Variants in FBXO41 observed in about 807,000 individuals in gnomAD.
FBXO41 encodes F-box protein 41.
FBXO41 carries 33 observed loss-of-function variants against 81.6 expected under a neutral mutation model. The observed-to-expected ratio is 0.40, with a 90% CI of 0.31 to 0.54. The LOEUF is 0.54. FBXO41 is among the 20% of genes least tolerant of loss of function. The pLI is 0.39. For synonymous variants in FBXO41, 576 were observed against 552.7 expected (o/e 1.04, Z -0.59); for missense variants, 1,107 against 1,236.0 (o/e 0.90, Z 1.56).
rs1035242984 is a variant in FBXO41, at chr2:73,259,747, G to A, written c.2450-451C>T. Among the ~76,000 whole-genome samples the A allele has an allele frequency of 7.9e-5, 12 of 152,210 alleles. No individual in the cohort carries two copies. Among genetic ancestry groups the A allele is most frequent in the Non-Finnish European group, 1.5e-5 (1 of 68,000 alleles). On this transcript the variant is annotated intron_variant, in intron 11 of 12. Transcript: ENST00000520530. The surrounding 1 kb of genome is among the most constrained non-coding windows in gnomAD (Gnocchi z 4.2). ...CGGGGGAGGTAGAGGAAGATCAGGCGACTGAGAAGGGCCTGGAGGTCATGA... is the reference window on the plus strand; with the variant it reads ...CGGGGGAGGTAGAGGAAGATCAGGCAACTGAGAAGGGCCTGGAGGTCATGA...
At chr2:73,267,267 C>T (rs1408589242) in intron 2 of FBXO41, among the ~76,000 whole-genome samples, 1 of 152,168 alleles carries the variant, frequency 6.6e-6, no homozygotes, top group Non-Finnish European at 1.5e-5. Context: ...CATGTGCTTA[C>T]GTGTGAGACA....
intron 1 of FBXO41, among the ~76,000 whole-genome samples, chr2:73,280,566 G>A (rs1231501484): frequency 6.6e-6 from 1 of 152,120 alleles, no homozygotes; most frequent in African/African-American, 2.4e-5. Flanking sequence ...TTTGCTCCAT[G>A]GGGAAATGCC....
Position 73,269,078 on chromosome 2 carries a change from A to G in FBXO41, c.553T>C (p.Ser185Pro). The change falls in exon 2 of 13, where the codon TCC becomes CCC. Residue 185 changes from serine to proline, a missense_variant. Ser to Pro is a moderately conservative substitution (Grantham distance 74). Transcript: ENST00000520530. The surrounding 1 kb of genome is among the most constrained non-coding windows in gnomAD (Gnocchi z 7.0). ...GGTGAGGGGGACGCGGGCGAAGCGG[A>G]GGCAGGCCCGGGGCAAGGGCCGGGG... is the stretch of plus-strand genomic sequence containing the variant. ...PGPGPCPGPA[S>P]ASPASPSPAD... 1 of 1,512,054 alleles carries G rather than the reference A, an allele frequency of 6.6e-7. No individual in the cohort carries two copies. Among genetic ancestry groups the G allele is most frequent in the Non-Finnish European group, 8.8e-7 (1 of 1,137,048 alleles). 93.7% of individuals were successfully genotyped at this position (1,512,054 alleles called of 1,614,324 possible).
At chr2:73,263,888 C>G (rs371749175) in intron 7 of FBXO41, 50 bp downstream of exon 7, 17 of 1,613,850 alleles carry the variant, frequency 1.1e-5, no homozygotes, top group African/African-American at 2.7e-5. Context: ...AAACTTAATT[C>G]CAGGTCTGTG....
rs750822634 is a variant in FBXO41 at position 73,265,371 on chromosome 2, C to T, written c.1475G>A (p.Arg492Gln). Reference sequence around the variant, plus strand: ...GCCCTCAGCCTCTGACTCAGTGGTTCGGGAGCCAACGTCGGAGACATCACC... The same window carrying T: ...GCCCTCAGCCTCTGACTCAGTGGTTTGGGAGCCAACGTCGGAGACATCACC... The part of the protein sequence containing the change: ...EEGDVSDVGS[R>Q]TTESEAEGPL... The change falls in exon 5 of 13, where the codon CGA becomes CAA. Residue 492 changes from arginine to glutamine, a missense_variant. Arg to Gln is a conservative substitution (Grantham distance 43). Around this residue, in one of 2 missense-constraint regions of FBXO41, gnomAD observed 771 missense variants for 789.2 expected, o/e 0.98. Transcript: ENST00000520530. 8.1e-6 allele frequency: 13 copies of T among 1,611,674 alleles called. No individual in the cohort carries two copies. The Admixed American group carries it at 8.3e-5, about 10-fold the overall frequency.
At chr2:73,271,799 T>A (rs1380761901) in intron 1 of FBXO41, among the ~76,000 whole-genome samples, 2 of 152,066 alleles carry the variant, frequency 1.3e-5, no homozygotes, top group Non-Finnish European at 2.9e-5. Context: ...CCCAGCTAAT[T>A]GTTGTATTTT....
In FBXO41 at chr2:73,257,279, T is replaced by C. The variant is rs1687849514; in HGVS notation, c.*1703A>G. ...ATGACACCCTTGGTATTTTAGGTTT[T>C]CAAAGGGCAGGGACAGAATGAGCCA... On this transcript the variant is annotated 3_prime_UTR_variant, in exon 13 of 13. Transcript: ENST00000520530. This position sits in a 1 kb window ranked among gnomAD's most constrained non-coding sequence, Gnocchi z 4.6. The C allele has an allele frequency of 6.6e-6, 1 of 152,620 alleles. No homozygotes were observed. Among genetic ancestry groups the C allele is most frequent in the Non-Finnish European group, 1.5e-5 (1 of 68,404 alleles). 9.5% of individuals were successfully genotyped at this position (152,620 alleles called of 1,614,324 possible).
At chr2:73,274,408 T>C (rs1224077614) in intron 1 of FBXO41, among the ~76,000 whole-genome samples, 3 of 152,256 alleles carry the variant, frequency 2.0e-5, no homozygotes, top group Admixed American at 2.0e-4. Context: ...CCTGTGTCAT[T>C]TATATACCTC....
At position 73,266,559 on chromosome 2, in the gene FBXO41, C is replaced by T; in HGVS notation, c.1029G>A (p.Leu343=). 1 of 1,609,852 alleles carries T rather than the reference C, an allele frequency of 6.2e-7. No homozygotes were observed. The highest frequency in any genetic ancestry group is 8.5e-7 in the Non-Finnish European group (1 of 1,178,774). The change falls in exon 3 of 13, where the codon CTG becomes CTA. Residue 343 remains leucine, a synonymous_variant. Transcript: ENST00000520530. The surrounding 1 kb of genome is among the most constrained non-coding windows in gnomAD (Gnocchi z 5.3). ...TGCCACAGCTGCTGCTGATGACCTG[C>T]AGCTGCCGCTCGGCACGGTCAGCCC... ...LERADRAERQ[L]QVISSSCGST... is the part of the protein sequence containing the mutation.
chr2:73,279,380 G>T (rs1373035955), intron 1 of FBXO41, among the ~76,000 whole-genome samples: 1 of 152,162 alleles, frequency 6.6e-6, no homozygotes, highest in African/African-American at 2.4e-5. Flanking sequence ...TACAGTTTTG[G>T]CAACTTAAGG....
Position 73,264,486 on chromosome 2 carries a change from C to T in FBXO41, c.1598G>A (p.Arg533Gln), listed in dbSNP as rs187317553. 3,433 of 1,613,726 alleles carry T rather than the reference C, an allele frequency of 2.1e-3. 5 individuals are homozygous for T. The highest frequency in any genetic ancestry group is 2.6e-3 in the Non-Finnish European group (3,071 of 1,179,868). The part of the protein sequence containing the change: ...RPEGGSGRGR[R>Q]AERVSPSRSN... ...GCGTGAGGGGCTGACCCTCTCTGCT[C>T]GCCGACCCCGCCCACTGCCTCCCTC... is the stretch of plus-strand genomic sequence containing the variant. The change falls in exon 6 of 13, where the codon CGA (arginine) becomes CAA (glutamine). Residue 533 changes from arginine to glutamine, a missense_variant. Arg to Gln is a conservative substitution (Grantham distance 43). Around this residue, in one of 2 missense-constraint regions of FBXO41, gnomAD observed 771 missense variants for 789.2 expected, o/e 0.98. Coordinates refer to ENST00000520530, the MANE Select transcript of FBXO41 (RefSeq NM_001371389.2).
chr2:73,265,385 G>A lies in FBXO41; in HGVS notation c.1461C>T (p.Ser487=), dbSNP rs377102830. The change falls in exon 5 of 13, where the codon TCC becomes TCT. Residue 487 remains serine, a synonymous_variant. Coordinates refer to ENST00000520530, the MANE Select transcript of FBXO41 (RefSeq NM_001371389.2). ...ACTCAGTGGTTCGGGAGCCAACGTC[G>A]GAGACATCACCCTCTTCCCCCTCAG... ...HSTEGEEGDV[S]DVGSRTTESE... is the part of the protein sequence containing the mutation. 1.7e-4 allele frequency: 281 copies of A among 1,611,500 alleles called. No individual in the cohort carries two copies. Among genetic ancestry groups the A allele is most frequent in the South Asian group, 9.3e-4 (85 of 91,078 alleles).
rs1343519000 is a variant in FBXO41 at position 73,259,467 on chromosome 2, A to G, written c.2450-171T>C. Among the ~76,000 whole-genome samples, 1 of 152,202 alleles carries G rather than the reference A, an allele frequency of 6.6e-6. No individual in the cohort carries two copies. The highest frequency in any genetic ancestry group is 1.5e-5 in the Non-Finnish European group (1 of 68,020). Reference sequence around the variant, plus strand: ...CTGGCGACCGGATGCGGGGAGAGGTAGATGGGGCTGAGGCACAGGAGAGGC... The same window carrying G: ...CTGGCGACCGGATGCGGGGAGAGGTGGATGGGGCTGAGGCACAGGAGAGGC... On this transcript the variant is annotated intron_variant, in intron 11 of 12. Coordinates refer to ENST00000520530, the MANE Select transcript of FBXO41 (RefSeq NM_001371389.2). The surrounding 1 kb of genome is among the most constrained non-coding windows in gnomAD (Gnocchi z 4.2).
chr2:73,259,402 G>A lies in FBXO41; in HGVS notation c.2450-106C>T. 1.0e-6 allele frequency: 1 copy of A among 957,446 alleles called. No homozygotes were observed. The highest frequency in any genetic ancestry group is 1.6e-5 in the African/African-American group (1 of 62,460). The allele number at this position is 957,446 out of a possible 1,614,324, so 59.3% of individuals were successfully genotyped here. A position where few individuals can be genotyped will look rare whatever the true frequency, so the allele number is the denominator to read the frequency against. On this transcript the variant is annotated intron_variant, in intron 11 of 12. Coordinates refer to ENST00000520530, the MANE Select transcript of FBXO41 (RefSeq NM_001371389.2). The surrounding 1 kb of genome is among the most constrained non-coding windows in gnomAD (Gnocchi z 4.2). ...TCAGACAATCAGGTGCCAGCTACCG[G>A]GAACACGACAGAGGAGAGCAGACTC...
rs1397025213 is a variant in FBXO41, at chr2:73,255,149, G to A, written c.*3833C>T. 6.5e-6 allele frequency: 1 copy of A among 152,714 alleles called. No individual in the cohort carries two copies. Among genetic ancestry groups the A allele is most frequent in the Non-Finnish European group, 1.5e-5 (1 of 68,074 alleles). 9.5% of individuals were successfully genotyped at this position (152,714 alleles called of 1,614,324 possible). A position where few individuals can be genotyped will look rare whatever the true frequency, so the allele number is the denominator to read the frequency against. Reference sequence around the variant, plus strand: ...AAGACCCTTGTCAGGGCAGAGCTGAGGCTGGCAAGCCCAAGGCCAAGCCTC... The same window carrying A: ...AAGACCCTTGTCAGGGCAGAGCTGAAGCTGGCAAGCCCAAGGCCAAGCCTC... On this transcript the variant is annotated 3_prime_UTR_variant, in exon 13 of 13. Coordinates refer to ENST00000520530, the MANE Select transcript of FBXO41 (RefSeq NM_001371389.2).
chr2:73,256,592 G>A lies in FBXO41; in HGVS notation c.*2390C>T, dbSNP rs1012993324. 5.9e-5 allele frequency: 9 copies of A among 152,402 alleles called. No individual in the cohort carries two copies. The highest frequency in any genetic ancestry group is 2.0e-4 in the Admixed American group (3 of 15,306). 9.4% of individuals were successfully genotyped at this position (152,402 alleles called of 1,614,324 possible). A position where few individuals can be genotyped will look rare whatever the true frequency, so the allele number is the denominator to read the frequency against. ...CTTCACACACAGCCAGAACAGGGTG[G>A]AGGACTGAGGGGCTTTCCTGGAAAT... is the stretch of plus-strand genomic sequence containing the variant. On this transcript the variant is annotated 3_prime_UTR_variant, in exon 13 of 13. Transcript: ENST00000520530.
Position 73,269,425 on chromosome 2 carries a change from T to C in FBXO41, c.206A>G (p.Glu69Gly). ...AAASGFPLAP[E>G]PAALLAVPGA... ...GGGCACGGCCAGCAGGGCGGCGGGC[T>C]CGGGAGCCAGCGGGAACCCCGAGGC... is the stretch of plus-strand genomic sequence containing the variant. Residue 69 changes from glutamate to glycine, a missense_variant, in exon 2 of 13, where the codon GAG becomes GGG. This residue lies in a region of FBXO41 where 771 missense variants were observed against 789.2 expected (regional missense o/e 0.98). Transcript: ENST00000520530. This position sits in a 1 kb window ranked among gnomAD's most constrained non-coding sequence, Gnocchi z 7.0. The C allele has an allele frequency of 7.3e-7, 1 of 1,369,686 alleles. No homozygotes were observed. Among genetic ancestry groups the C allele is most frequent in the Non-Finnish European group, 9.4e-7 (1 of 1,066,194 alleles). The allele number at this position is 1,369,686 out of a possible 1,614,324, so 84.8% of individuals were successfully genotyped here. A position where few individuals can be genotyped will look rare whatever the true frequency, so the allele number is the denominator to read the frequency against.
At chr2:73,261,441 C>T (rs1688019029) in intron 9 of FBXO41, among the ~76,000 whole-genome samples, 1 of 152,186 alleles carries the variant, frequency 6.6e-6, no homozygotes. Context: ...ATCCTCCACA[C>T]TGCAGATAGG....
chr2:73,264,386 C>T lies in FBXO41; in HGVS notation c.1698G>A (p.Thr566=), dbSNP rs61735876. 132,612 of 1,613,784 alleles carry T rather than the reference C, an allele frequency of 0.082. 6,046 individuals are homozygous for T. Among genetic ancestry groups the T allele is most frequent in the Non-Finnish European group, 0.095 (112,618 of 1,179,890 alleles). Reference sequence around the variant, plus strand: ...CCTCGGCAGCATGCAGCAGTGTGCGCGTGTCCAGGTAGGTGAAGATGCAGA... The same window carrying T: ...CCTCGGCAGCATGCAGCAGTGTGCGTGTGTCCAGGTAGGTGAAGATGCAGA... ...ALFCIFTYLD[T]RTLLHAAEVC... The change falls in exon 6 of 13, where the codon ACG becomes ACA. Residue 566 remains threonine (T), a synonymous_variant. Coordinates refer to ENST00000520530, the MANE Select transcript of FBXO41 (RefSeq NM_001371389.2).
Sources: gnomAD v4.1 joint callset for allele counts (sites outside exome capture counted in the v4.1 genomes callset) on GRCh38, gnomAD v4.1.1 for gene constraint, gnomAD v4.1.1 regional missense constraint, Gnocchi (gnomAD v3.1) non-coding constraint, MANE v1.5 for transcripts, NCBI Gene and HGNC (gene_info 2026-07-23, HGNC 2026-07-21) for gene names.